The following DERA variants were observed in gnomAD, a reference collection of about 807,000 sequenced individuals.
DERA encodes 2-deoxy-D-ribose 5-phosphate aldolase.
A neutral mutation model predicts 41.1 loss-of-function variants in DERA; 15 were observed. That is an observed-to-expected ratio of 0.37 (90% CI 0.24 to 0.56). DERA has a LOEUF of 0.56. Ranked by LOEUF, DERA falls within the 20% of genes least tolerant of loss-of-function variation. DERA has a pLI of 0.81. For synonymous variants in DERA, 139 were observed against 137.4 expected (o/e 1.01, Z -0.08); for missense variants, 396 against 403.4 (o/e 0.98, Z 0.16).
rs1948895750 is a variant in DERA at position 16,004,359 on chromosome 12, GA to G, written c.637+21928del. Among the ~76,000 whole-genome samples the G allele has an allele frequency of 6.8e-6, 1 of 146,838 alleles. No homozygotes were observed. The highest frequency in any genetic ancestry group is 1.5e-5 in the Non-Finnish European group (1 of 67,942). ...AAAGGAACCACTGCAGAAAAGAAAA[GA>G]AAAACCCAACTCCTCCTTAACAATT... On this transcript the variant is annotated intron_variant, in intron 6 of 8. Coordinates refer to ENST00000428559, the MANE Select transcript of DERA (RefSeq NM_015954.4). This position sits in a 1 kb window ranked among gnomAD's most constrained non-coding sequence, Gnocchi z 4.2.
At chr12:15,948,756 T>A (rs1948471828) in intron 1 of DERA, among the ~76,000 whole-genome samples, 1 of 152,238 alleles carries the variant, frequency 6.6e-6, no homozygotes, top group Non-Finnish European at 1.5e-5. Flanking sequence ...CTGCGTTCCT[T>A]TGGACGGGGA....
rs1948742465 is a variant in DERA, at chr12:15,982,916, TTATCTCTGTGAACAGCAGGTCTATCCA to T, written c.637+482_637+508del. ...TTTCAAATATAAGTTGACTTATTCT[TTATCTCTGTGAACAGCAGGTCTATCCA>T]TTTAGACATCCAAGCTTGCAGCCTA... On this transcript the variant is annotated intron_variant, in intron 6 of 8. Transcript: ENST00000428559. This position sits in a 1 kb window ranked among gnomAD's most constrained non-coding sequence, Gnocchi z 4.0. Among the ~76,000 whole-genome samples, 1 of 152,232 alleles carries T rather than the reference TTATCTCTGTGAACAGCAGGTCTATCCA, an allele frequency of 6.6e-6. No homozygotes were observed. The highest frequency in any genetic ancestry group is 2.4e-5 in the African/African-American group (1 of 41,458).
rs1477880434 is a variant in DERA, at chr12:16,037,297, TTTA to T, written c.*554_*556del. ...TTTTAAAATAATAAAGTTCCTATAG[TTTA>T]TTTTTTTAAAAAACTTAAAAATTGT... On this transcript the variant is annotated 3_prime_UTR_variant, in exon 9 of 9. Transcript: ENST00000428559. The surrounding 1 kb of genome is among the most constrained non-coding windows in gnomAD (Gnocchi z 6.7). 2.0e-5 allele frequency: 3 copies of T among 152,172 alleles called. No homozygotes were observed. Among genetic ancestry groups the T allele is most frequent in the Non-Finnish European group, 4.4e-5 (3 of 68,044 alleles). 9.4% of individuals were successfully genotyped at this position (152,172 alleles called of 1,614,324 possible).
At position 15,918,472 on chromosome 12, in the gene DERA, C is replaced by T. The variant is rs1948217293; in HGVS notation, c.31+7058C>T. Among the ~76,000 whole-genome samples, 3 of 152,188 alleles carry T rather than the reference C, an allele frequency of 2.0e-5. No homozygotes were observed. The highest frequency in any genetic ancestry group is 2.9e-5 in the Non-Finnish European group (2 of 68,042). ...CATTTCAACCCGGCTTGAATGACTA[C>T]GTTGTTCACCTCCTCTTCAGTGCCC... On this transcript the variant is annotated intron_variant, in intron 1 of 8. Coordinates refer to ENST00000428559, the MANE Select transcript of DERA (RefSeq NM_015954.4). This position sits in a 1 kb window ranked among gnomAD's most constrained non-coding sequence, Gnocchi z 4.3.
intron 1 of DERA, among the ~76,000 whole-genome samples, chr12:15,927,505 C>T (rs1466144224): frequency 6.6e-6 from 1 of 152,040 alleles, no homozygotes; most frequent in African/African-American, 2.4e-5. Context: ...CTCAGTAGGT[C>T]ATTTAAAAAA....
In DERA at chr12:15,959,077, T is replaced by C. The variant is rs745430483; in HGVS notation, c.277+742T>C. 3.9e-5 allele frequency among the ~76,000 whole-genome samples: 6 copies of C among 152,160 alleles called. No homozygotes were observed. Among genetic ancestry groups the C allele is most frequent in the Non-Finnish European group, 8.8e-5 (6 of 68,030 alleles). On this transcript the variant is annotated intron_variant, in intron 3 of 8. Transcript: ENST00000428559. The surrounding 1 kb of genome is among the most constrained non-coding windows in gnomAD (Gnocchi z 4.5). ...TCTGCTGTGAGTGCAACTGGAGACG[T>C]TGAATTGGCCCAATGCAGGTCTTTT...
intron 5 of DERA, among the ~76,000 whole-genome samples, chr12:15,971,558 C>G (rs940282646): frequency 5.9e-5 from 8 of 136,388 alleles, no homozygotes; most frequent in African/African-American, 2.2e-4. Flanking sequence ...TTCTTGTTGC[C>G]CAGGCTGGAG....
chr12:15,971,848 C>G, intron 5 of DERA: 1 of 287,528 alleles, frequency 3.5e-6, no homozygotes, highest in Non-Finnish European at 7.0e-6. Context: ...AATTCAGGAA[C>G]CATTGCTAAA....
chr12:15,986,320 A>T (rs759268921), intron 6 of DERA, among the ~76,000 whole-genome samples: 21 of 152,114 alleles, frequency 1.4e-4, no homozygotes, highest in Non-Finnish European at 2.2e-4. Flanking sequence ...TTATTCATTT[A>T]CATTTCATGT....
At position 15,954,288 on chromosome 12, in the gene DERA, G is replaced by A. The variant is rs756589192; in HGVS notation, c.32-2648G>A. Among the ~76,000 whole-genome samples the A allele has an allele frequency of 7.9e-5, 12 of 152,102 alleles. No homozygotes were observed. The highest frequency in any genetic ancestry group is 1.9e-4 in the East Asian group (1 of 5,192). On this transcript the variant is annotated intron_variant, in intron 1 of 8. Coordinates refer to ENST00000428559, the MANE Select transcript of DERA (RefSeq NM_015954.4). The surrounding 1 kb of genome is among the most constrained non-coding windows in gnomAD (Gnocchi z 4.0). ...TCGACTTATTTATCGTATGCCACCC[G>A]TGCGTCAGGTCCTTCGCTTGGAGTT...
rs778107613 is a variant in DERA at position 16,014,060 on chromosome 12, G to C, written c.638-18482G>C. Among the ~76,000 whole-genome samples the C allele has an allele frequency of 1.3e-5, 2 of 152,194 alleles. No individual in the cohort carries two copies. The highest frequency in any genetic ancestry group is 2.9e-5 in the Non-Finnish European group (2 of 68,040). On this transcript the variant is annotated intron_variant, in intron 6 of 8. Coordinates refer to ENST00000428559, the MANE Select transcript of DERA (RefSeq NM_015954.4). This position sits in a 1 kb window ranked among gnomAD's most constrained non-coding sequence, Gnocchi z 5.4. ...GACTGGGTGTTCTTAAAAGCATTCA[G>C]ATGTATGCCTTCACAAGGAGATCAT...
intron 6 of DERA, among the ~76,000 whole-genome samples, chr12:16,032,292 A>T (rs1164240645): frequency 6.6e-6 from 1 of 152,204 alleles, no homozygotes; most frequent in Non-Finnish European, 1.5e-5. Flanking sequence ...GCATTGTGGA[A>T]ATATGGAGGC....
At chr12:15,956,463 G>A (rs1948539394) in intron 1 of DERA, 1 of 267,982 alleles carries the variant, frequency 3.7e-6, no homozygotes, top group South Asian at 4.2e-5. Context: ...GCATGCAGTA[G>A]GTATTAATCT....
In DERA at chr12:16,036,522, A is replaced by G. The variant is rs1036454399; in HGVS notation, c.900+141A>G. 1 of 1,149,422 alleles carries G rather than the reference A, an allele frequency of 8.7e-7. No individual in the cohort carries two copies. The highest frequency in any genetic ancestry group is 1.2e-6 in the Non-Finnish European group (1 of 822,102). The allele number at this position is 1,149,422 out of a possible 1,614,324, so 71.2% of individuals were successfully genotyped here. On this transcript the variant is annotated intron_variant, in intron 8 of 8. Transcript: ENST00000428559. This position sits in a 1 kb window ranked among gnomAD's most constrained non-coding sequence, Gnocchi z 4.9. The stretch of plus-strand genomic sequence containing the variant: ...AATCCTCTACCTTTTCTTCCAAGCA[A>G]ACCGCCATCAGAAGTGAGTAGGGTG...
Position 15,911,425 on chromosome 12 carries a change from C to A in DERA, c.31+11C>A. On this transcript the variant is annotated intron_variant, in intron 1 of 8. Transcript: ENST00000428559. This position sits in a 1 kb window ranked among gnomAD's most constrained non-coding sequence, Gnocchi z 4.5. ...GGGGCACCGAGCTCGGTAAGGGGCCCGCGGGGCTCCCCATCCCCTCTCCCT... is the reference window on the plus strand; with the variant it reads ...GGGGCACCGAGCTCGGTAAGGGGCCAGCGGGGCTCCCCATCCCCTCTCCCT... 1 of 1,409,368 alleles carries A rather than the reference C, an allele frequency of 7.1e-7. No homozygotes were observed. The highest frequency in any genetic ancestry group is 9.2e-7 in the Non-Finnish European group (1 of 1,091,588). The allele number at this position is 1,409,368 out of a possible 1,614,324, so 87.3% of individuals were successfully genotyped here.
intron 6 of DERA, among the ~76,000 whole-genome samples, chr12:16,016,771 G>A (rs1227849269): frequency 3.2e-4 from 36 of 111,878 alleles, no homozygotes; most frequent in African/African-American, 1.2e-3. Context: ...CAGCCTGGGC[G>A]ACAGAGTGAG....
rs74499962 is a variant in DERA at position 15,993,480 on chromosome 12, CT to C, written c.637+11059del. Among the ~76,000 whole-genome samples, 381 of 135,028 alleles carry C rather than the reference CT, an allele frequency of 2.8e-3. No homozygotes were observed. The highest frequency in any genetic ancestry group is 3.4e-3 in the Non-Finnish European group (215 of 62,890). 88.6% of individuals were successfully genotyped at this position (135,028 alleles called of 152,430 possible). ...ATCTAGACTCCTGTGGTGTTGTGGC[CT>C]TTTTTTTTTTTTTTAAAAAAAATAA... On this transcript the variant is annotated intron_variant, in intron 6 of 8. Transcript: ENST00000428559. The surrounding 1 kb of genome is among the most constrained non-coding windows in gnomAD (Gnocchi z 4.4).
chr12:15,963,368 A>G (rs1948601302), intron 5 of DERA, among the ~76,000 whole-genome samples: 1 of 152,132 alleles, frequency 6.6e-6, no homozygotes, highest in Non-Finnish European at 1.5e-5. Flanking sequence ...TTTTTATGTT[A>G]ATTTTTGCAG....
In DERA at chr12:15,921,724, C is replaced by T. The variant is rs1021071954; in HGVS notation, c.31+10310C>T. Among the ~76,000 whole-genome samples the T allele has an allele frequency of 2.0e-5, 3 of 152,058 alleles. No homozygotes were observed. The East Asian group carries it at 5.8e-4, about 29-fold the overall frequency. Reference sequence around the variant, plus strand: ...ATCATCTGAGTTCAGGCATTCGAGACCAGCCTGGTCAACATGGTGAAACTT... The same window carrying T: ...ATCATCTGAGTTCAGGCATTCGAGATCAGCCTGGTCAACATGGTGAAACTT... On this transcript the variant is annotated intron_variant, in intron 1 of 8. Transcript: ENST00000428559. This position sits in a 1 kb window ranked among gnomAD's most constrained non-coding sequence, Gnocchi z 5.3.
Sources: allele counts gnomAD v4.1 joint callset (sites outside exome capture counted in the v4.1 genomes callset), GRCh38; gene constraint gnomAD v4.1.1; non-coding constraint Gnocchi (gnomAD v3.1); transcripts MANE v1.5; gene names NCBI Gene and HGNC (gene_info 2026-07-23, HGNC 2026-07-21).